MYT1L: variants seen among roughly 807,000 people sequenced by gnomAD.
The protein encoded by MYT1L is myelin transcription factor 1-like protein.
Under a neutral mutation model 126.7 loss-of-function variants are expected in MYT1L, and 12 were observed. The ratio of observed to expected loss-of-function variants is 0.09; its 90% CI spans 0.06 to 0.15. The LOEUF (loss-of-function observed/expected upper bound fraction) is 0.15. Among genes scored for constraint, MYT1L ranks in the 10% least tolerant of loss-of-function variants. The probability of loss-of-function intolerance (pLI) is 1.00; values close to 1 mark genes in which losing one functional copy is unlikely to be tolerated. For synonymous variants in MYT1L, 541 were observed against 604.2 expected, an observed-to-expected ratio of 0.90 and a Z score of 1.53; for missense variants, 979 against 1,585.2, an observed-to-expected ratio of 0.62 and a Z score of 6.49.
At chr2:2,225,399 C>T (rs747237927) in intron 2 of MYT1L, among the ~76,000 whole-genome samples, 13 of 152,302 alleles carry the variant, frequency 8.5e-5, no homozygotes, top group East Asian at 1.9e-4. Flanking sequence ...CACCTACCTA[C>T]GTACACCCCA....
Position 2,117,773 on chromosome 2 carries a change from C to T in MYT1L, c.-304+55099G>A, listed in dbSNP as rs557815403. On this transcript the variant is annotated intron_variant, in intron 3 of 24. Transcript: ENST00000647738. ...GGAAACATACTAGAAATAAGAGCTG[C>T]GTCTCCACTAGATAGCAATGAGGAA... is the stretch of plus-strand genomic sequence containing the variant. 3.9e-5 allele frequency among the ~76,000 whole-genome samples: 6 copies of T among 152,186 alleles called. No homozygotes were observed. The South Asian group carries it at 6.2e-4, about 16-fold the overall frequency.
intron 23 of MYT1L, among the ~76,000 whole-genome samples, chr2:1,800,556 G>A (rs73182875): frequency 3.9e-4 from 59 of 152,254 alleles, no homozygotes; most frequent in African/African-American, 1.4e-3. Context: ...GCTTGGTGGG[G>A]CCCCAGCCCC....
At chr2:2,072,704 C>T (rs907685083) in intron 3 of MYT1L, among the ~76,000 whole-genome samples, 5 of 152,134 alleles carry the variant, frequency 3.3e-5, no homozygotes, top group African/African-American at 1.2e-4. Context: ...ACAGTTTCCC[C>T]AGTGTTGTTC....
At chr2:1,964,347 A>C (rs755769596) in intron 8 of MYT1L, among the ~76,000 whole-genome samples, 46 of 152,356 alleles carry the variant, frequency 3.0e-4, no homozygotes, top group Middle Eastern at 3.4e-3. Flanking sequence ...GGTTTGAAAT[A>C]TTGCGAGAAT....
chr2:1,889,461 A>G lies in MYT1L; in HGVS notation c.2300T>C (p.Val767Ala). The stretch of plus-strand genomic sequence containing the variant: ...GAGGTCCAGGGTCCCGTTCTCATCC[A>G]CCTCCATGTCAGGGTTCTGTCGGTA... ...LCATRNPDME[V>A]DENGTLDLSM... is the part of the protein sequence containing the mutation. The change falls in exon 16 of 25, where the codon GTG becomes GCG. Residue 767 changes from valine to alanine, a missense_variant. Coordinates refer to ENST00000647738, the MANE Select transcript of MYT1L (RefSeq NM_001303052.2). The surrounding 1 kb of genome is among the most constrained non-coding windows in gnomAD (Gnocchi z 4.1). 1 of 1,599,384 alleles carries G rather than the reference A, an allele frequency of 6.3e-7. No individual in the cohort carries two copies. The highest frequency in any genetic ancestry group is 8.5e-7 in the Non-Finnish European group (1 of 1,170,158).
At chr2:2,180,700 G>T (rs1369925810) in intron 2 of MYT1L, among the ~76,000 whole-genome samples, 3 of 151,422 alleles carry the variant, frequency 2.0e-5, no homozygotes, top group Non-Finnish European at 4.4e-5. Flanking sequence ...GTACCTGTAT[G>T]TGCACCTGTA....
rs992633991 is a variant in MYT1L at position 1,803,093 on chromosome 2, G to GT, written c.3173-1295dup. ...CTACCAAGACGTTAGAAAGATGAGA[G>GT]TAAGAGAAAGTGATGGATCAGTGGG... On this transcript the variant is annotated intron_variant, in intron 22 of 24. Coordinates refer to ENST00000647738, the MANE Select transcript of MYT1L (RefSeq NM_001303052.2). Among the ~76,000 whole-genome samples, 27 of 152,264 alleles carry GT rather than the reference G, an allele frequency of 1.8e-4. 1 individual carries two copies. Among genetic ancestry groups the GT allele is most frequent in the African/African-American group, 6.5e-4 (27 of 41,552 alleles).
chr2:2,214,134 A>G (rs1035338186), intron 2 of MYT1L, among the ~76,000 whole-genome samples: 1 of 152,116 alleles, frequency 6.6e-6, no homozygotes, highest in African/African-American at 2.4e-5. Flanking sequence ...AATTATCTAA[A>G]TGAAACAGAG....
At chr2:2,275,201 A>AGT (rs2095334843) in intron 2 of MYT1L, among the ~76,000 whole-genome samples, 1 of 94,124 alleles carries the variant, frequency 1.1e-5, no homozygotes, top group African/African-American at 4.1e-5. Flanking sequence ...ATAATAATAA[A>AGT]ATGTGTGTGT....
chr2:1,912,126 CAA>C lies in MYT1L; in HGVS notation c.1619-18_1619-17del. ...ATGGCAAGGACTTGACAGGGAGAGG[CAA>C]AGAGAACAGCCAGTGTTAAAACAGA... On this transcript the variant is annotated splice_polypyrimidine_tract_variant and intron_variant, in intron 11 of 24. Coordinates refer to ENST00000647738, the MANE Select transcript of MYT1L (RefSeq NM_001303052.2). This position sits in a 1 kb window ranked among gnomAD's most constrained non-coding sequence, Gnocchi z 4.3. 1 of 1,546,144 alleles carries C rather than the reference CAA, an allele frequency of 6.5e-7. No individual in the cohort carries two copies. Among genetic ancestry groups the C allele is most frequent in the Non-Finnish European group, 8.8e-7 (1 of 1,131,530 alleles).
At chr2:2,242,783 T>A (rs1251838113) in intron 2 of MYT1L, among the ~76,000 whole-genome samples, 1 of 152,132 alleles carries the variant, frequency 6.6e-6, no homozygotes, top group Non-Finnish European at 1.5e-5. Context: ...CAATATGAAG[T>A]CGAATATGGC....
chr2:2,249,242 GA>G (rs1186807350), intron 2 of MYT1L, among the ~76,000 whole-genome samples: 2 of 149,162 alleles, frequency 1.3e-5, no homozygotes, highest in East Asian at 3.9e-4. Flanking sequence ...ATCCAAAAAA[GA>G]AAAAAAAGAA....
At chr2:1,958,444 A>G (rs994885775) in intron 8 of MYT1L, among the ~76,000 whole-genome samples, 2 of 152,160 alleles carry the variant, frequency 1.3e-5, no homozygotes, top group African/African-American at 2.4e-5. Flanking sequence ...TGCAGATGGA[A>G]CCCAGATAGG....
chr2:1,897,370 C>A (rs1288885380), intron 14 of MYT1L, among the ~76,000 whole-genome samples: 1 of 152,210 alleles, frequency 6.6e-6, no homozygotes, highest in Non-Finnish European at 1.5e-5. Context: ...TCCCCCTCTT[C>A]CAGCACAGAG....
intron 5 of MYT1L, among the ~76,000 whole-genome samples, chr2:1,988,852 T>G (rs891878): frequency 0.51 from 77,504 of 152,120 alleles, 19,848 homozygotes; most frequent in East Asian, 0.6. Flanking sequence ...ATGCTGAGGA[T>G]ATGCTTGGTG....
chr2:2,182,002 T>C (rs1201537926), intron 2 of MYT1L, among the ~76,000 whole-genome samples: 3 of 152,120 alleles, frequency 2.0e-5, no homozygotes, highest in Admixed American at 2.0e-4. Flanking sequence ...TTGACAAGTG[T>C]CCACCCTGGC....
intron 8 of MYT1L, among the ~76,000 whole-genome samples, chr2:1,951,757 C>G (rs950679458): frequency 1.3e-5 from 2 of 152,220 alleles, no homozygotes; most frequent in African/African-American, 4.8e-5. Flanking sequence ...CAACGACTAG[C>G]AAGCGGGGGT....
At chr2:1,818,373 GCAAA>G (rs1034232035) in intron 21 of MYT1L, among the ~76,000 whole-genome samples, 4 of 152,132 alleles carry the variant, frequency 2.6e-5, no homozygotes, top group African/African-American at 7.2e-5. Flanking sequence ...ACAGCCAGGG[GCAAA>G]CAGTTTCCTT....
rs373428125 is a variant in MYT1L at position 1,989,789 on chromosome 2, G to C, written c.-1+7402C>G. 2.0e-5 allele frequency among the ~76,000 whole-genome samples: 3 copies of C among 152,314 alleles called. No homozygotes were observed. The East Asian group carries it at 5.8e-4, about 29-fold the overall frequency. ...AGGTAGGTGGATCACCTGAGGTCAG[G>C]AGTTCGAGACCAGCCTGGCTAACAT... On this transcript the variant is annotated intron_variant, in intron 5 of 24. Coordinates refer to ENST00000647738, the MANE Select transcript of MYT1L (RefSeq NM_001303052.2).
Sources: gnomAD v4.1 joint callset for allele counts (sites outside exome capture counted in the v4.1 genomes callset) on GRCh38, gnomAD v4.1.1 for gene constraint, Gnocchi (gnomAD v3.1) non-coding constraint, MANE v1.5 for transcripts, NCBI Gene and HGNC (gene_info 2026-07-23, HGNC 2026-07-21) for gene names.